SNRPD3: variants seen among roughly 807,000 people sequenced by gnomAD.
SNRPD3 encodes small nuclear ribonucleoprotein Sm D3.
For synonymous variants in SNRPD3, 66 were observed against 58.4 expected (o/e 1.13, Z -0.59); for missense variants, 73 against 167.5 (o/e 0.44, Z 3.11).
chr22:24,560,027 C>T (rs1023257885), intron 2 of SNRPD3, among the ~76,000 whole-genome samples: 2 of 150,352 alleles, frequency 1.3e-5, no homozygotes, highest in African/African-American at 2.4e-5. Flanking sequence ...ATAAGGATAC[C>T]ATGCATGTAG....
chr22:24,566,172 C>T (rs1285882568), intron 2 of SNRPD3, among the ~76,000 whole-genome samples: 1 of 152,048 alleles, frequency 6.6e-6, no homozygotes, highest in East Asian at 1.9e-4. Context: ...AAACTGGAGC[C>T]CTGTTGCCCC....
Position 24,563,204 on chromosome 22 carries a change from A to ATGTGTGTG in SNRPD3, c.127-4779_127-4778insGTGTGTGT, listed in dbSNP as rs1467545713. 5.5e-3 allele frequency among the ~76,000 whole-genome samples: 550 copies of ATGTGTGTG among 99,420 alleles called. 1 individual carries two copies. Among genetic ancestry groups the ATGTGTGTG allele is most frequent in the South Asian group, 0.013 (40 of 2,992 alleles). The allele number at this position is 99,420 out of a possible 152,430, so 65.2% of individuals were successfully genotyped here. A position where few individuals can be genotyped will look rare whatever the true frequency, so the allele number is the denominator to read the frequency against. On this transcript the variant is annotated intron_variant, in intron 2 of 3. Transcript: ENST00000215829. ...GCAACACAGTGAGACCCTGTCTCAT[A>ATGTGTGTG]TATGTGTGTGTGTGTGTGTGTGTGT...
intron 2 of SNRPD3, among the ~76,000 whole-genome samples, chr22:24,558,887 A>G (rs1281992366): frequency 1.3e-5 from 2 of 152,160 alleles, no homozygotes; most frequent in African/African-American, 4.8e-5. Flanking sequence ...GCCATGGTGG[A>G]CTGCAAAGAT....
rs749567639 is a variant in SNRPD3 at position 24,568,019 on chromosome 22, A to G, written c.162A>G (p.Arg54=). The G allele has an allele frequency of 1.7e-5, 28 of 1,611,538 alleles. No homozygotes were observed. In the South Asian group the frequency reaches 2.4e-4, roughly 14 times the overall value. ...TCACAGTCACATACAGAGATGGCCG[A>G]GTGGCACAGCTGGAGCAGGTATACA... ...SNITVTYRDG[R]VAQLEQVYIR... is the part of the protein sequence containing the mutation. Residue 54 remains arginine, a synonymous_variant, in exon 3 of 4, where the codon CGA becomes CGG. Transcript: ENST00000215829.
intron 3 of SNRPD3, among the ~76,000 whole-genome samples, 167 bp downstream of exon 3, chr22:24,568,343 C>T (rs2045215562): frequency 6.6e-6 from 1 of 151,824 alleles, no homozygotes; most frequent in Non-Finnish European, 1.5e-5. Context: ...CCTGTGAGGC[C>T]ATTATTTTAT....
intron 2 of SNRPD3, among the ~76,000 whole-genome samples, chr22:24,559,475 A>G (rs1174404194): frequency 6.6e-6 from 1 of 152,218 alleles, no homozygotes; most frequent in Non-Finnish European, 1.5e-5. Flanking sequence ...GTATTTGGAC[A>G]ACTTGCTGGG....
At chr22:24,565,860 C>T (rs751447706) in intron 2 of SNRPD3, among the ~76,000 whole-genome samples, 104 of 152,098 alleles carry the variant, frequency 6.8e-4, no homozygotes, top group Middle Eastern at 3.4e-3. Context: ...AGGGTTTCAC[C>T]GTGTTTGCCA....
chr22:24,557,300 T>C (rs2147115976), intron 1 of SNRPD3, among the ~76,000 whole-genome samples: 1 of 152,306 alleles, frequency 6.6e-6, no homozygotes, highest in East Asian at 1.9e-4. Context: ...GTGCAACAAA[T>C]TAACATTCCA....
chr22:24,558,973 C>T (rs1183145031), intron 2 of SNRPD3, among the ~76,000 whole-genome samples: 2 of 152,204 alleles, frequency 1.3e-5, no homozygotes, highest in Non-Finnish European at 2.9e-5. Flanking sequence ...ACCCTTAAGA[C>T]TGCCACAGGG....
chr22:24,562,997 A>G (rs2045158124), intron 2 of SNRPD3, among the ~76,000 whole-genome samples: 1 of 152,234 alleles, frequency 6.6e-6, no homozygotes, highest in Non-Finnish European at 1.5e-5. Context: ...CAACATCCCC[A>G]TACAAAATAC....
intron 1 of SNRPD3, 53 bp downstream of exon 1, chr22:24,556,124 G>A (rs982964307): frequency 1.5e-5 from 8 of 535,214 alleles, no homozygotes; most frequent in Admixed American, 9.9e-5. Flanking sequence ...GGGGCCAGGG[G>A]CTGGAGAAAG....
At position 24,574,868 on chromosome 22, in the gene SNRPD3, C is replaced by T. The variant is rs1375751361; in HGVS notation, c.*2891C>T. On this transcript the variant is annotated 3_prime_UTR_variant, in exon 4 of 4. Coordinates refer to ENST00000215829, the MANE Select transcript of SNRPD3 (RefSeq NM_004175.5). The stretch of plus-strand genomic sequence containing the variant: ...TTTTGAATCCTCTCTTCCTCCTGCC[C>T]ACCATGAATTTACTTCCTCTCACCC... Among the ~76,000 whole-genome samples, 2 of 152,122 alleles carry T rather than the reference C, an allele frequency of 1.3e-5. No individual in the cohort carries two copies. The highest frequency in any genetic ancestry group is 2.1e-4 in the South Asian group (1 of 4,822).
chr22:24,557,605 A>G (rs1274153693), intron 1 of SNRPD3, 52 bp from the exon 2 acceptor site: 2 of 1,389,766 alleles, frequency 1.4e-6, no homozygotes, highest in East Asian at 2.4e-5. Flanking sequence ...TGTGTGCCAC[A>G]TGCCTTTTCA....
intron 2 of SNRPD3, among the ~76,000 whole-genome samples, chr22:24,564,604 G>C (rs116360917): frequency 5.3e-5 from 8 of 152,324 alleles, no homozygotes; most frequent in African/African-American, 1.9e-4. Context: ...TAGTGAGCCT[G>C]GTTGTTAGGG....
chr22:24,572,393 G>A lies in SNRPD3; in HGVS notation c.*416G>A. The A allele has an allele frequency of 4.2e-6, 2 of 476,426 alleles. No individual in the cohort carries two copies. The highest frequency in any genetic ancestry group is 3.8e-6 in the Non-Finnish European group (1 of 265,256). The allele number at this position is 476,426 out of a possible 1,614,324, so 29.5% of individuals were successfully genotyped here. ...ACACAGGCACATAGTGTGGCACTTT[G>A]TTCAGTTAACATTTGTGGAGCTGTC... On this transcript the variant is annotated 3_prime_UTR_variant, in exon 4 of 4. Transcript: ENST00000215829.
intron 2 of SNRPD3, among the ~76,000 whole-genome samples, chr22:24,561,718 G>C (rs936436853): frequency 6.6e-6 from 1 of 152,184 alleles, no homozygotes; most frequent in Non-Finnish European, 1.5e-5. Context: ...TAAAAGTGGG[G>C]TGGGACAAAA....
chr22:24,563,201 CAT>C (rs10534287), intron 2 of SNRPD3, among the ~76,000 whole-genome samples: 8,738 of 121,562 alleles, frequency 0.072, 360 homozygotes, highest in South Asian at 0.17. Context: ...GACCCTGTCT[CAT>C]ATATGTGTGT....
Position 24,569,379 on chromosome 22 carries a change from A to T in SNRPD3, c.319+1203A>T, listed in dbSNP as rs946251244. On this transcript the variant is annotated intron_variant, in intron 3 of 3. Coordinates refer to ENST00000215829, the MANE Select transcript of SNRPD3 (RefSeq NM_004175.5). ...CCTTGGAAACTGTCTTAGTGTTGGTAAAAAAGGTTTGCAGCCAAGGAAGGC... is the reference window on the plus strand; with the variant it reads ...CCTTGGAAACTGTCTTAGTGTTGGTTAAAAAGGTTTGCAGCCAAGGAAGGC... 5.9e-5 allele frequency among the ~76,000 whole-genome samples: 9 copies of T among 152,310 alleles called. No homozygotes were observed. In the South Asian group the frequency reaches 1.2e-3, roughly 21 times the overall value.
upstream of SNRPD3, chr22:24,555,852 A>T: frequency 6.5e-7 from 1 of 1,536,982 alleles, no homozygotes; most frequent in Non-Finnish European, 8.7e-7. Context: ...TGCCGGAACT[A>T]TCGTACTGGT....
Sources: gnomAD v4.1 joint callset for allele counts (sites outside exome capture counted in the v4.1 genomes callset) on GRCh38, gnomAD v4.1.1 for gene constraint, MANE v1.5 for transcripts, NCBI Gene and HGNC (gene_info 2026-07-23, HGNC 2026-07-21) for gene names.